Variants in KLHDC1 observed in about 807,000 individuals in gnomAD.
KLHDC1 encodes kelch domain containing 1, also known as kelch domain-containing protein 1.
Under a neutral mutation model 68.3 loss-of-function variants are expected in KLHDC1, and 53 were observed. The observed-to-expected ratio is 0.78, with a 90% CI of 0.62 to 0.98. The LOEUF (loss-of-function observed/expected upper bound fraction) is 0.98, where lower values mean the gene tolerates loss of function less well. KLHDC1 is among the 50% of genes least tolerant of loss of function. KLHDC1 has a pLI of 0.00. For missense variants in KLHDC1, 470 were observed against 492.3 expected (o/e 0.95, Z 0.43); for synonymous variants, 148 against 159.0 (o/e 0.93, Z 0.52).
intron 4 of KLHDC1, among the ~76,000 whole-genome samples, chr14:49,718,813 G>A (rs536387914): frequency 1.3e-5 from 1 of 75,008 alleles, no homozygotes; most frequent in African/African-American, 5.4e-5. Context: ...GTCTCACTCT[G>A]TTCACTTTGT....
intron 8 of KLHDC1, among the ~76,000 whole-genome samples, chr14:49,731,091 C>A (rs1045508428): frequency 6.6e-6 from 1 of 152,170 alleles, no homozygotes. Flanking sequence ...ACCAGCCTGA[C>A]TAACATGGTG....
chr14:49,750,874 T>G (rs1378525793), intron 12 of KLHDC1: 1 of 152,160 alleles, frequency 6.6e-6, no homozygotes, highest in Non-Finnish European at 1.5e-5. Context: ...TCTTGGCACT[T>G]CCTGTATCGC....
At chr14:49,722,762 G>A (rs1200490665) in intron 4 of KLHDC1, among the ~76,000 whole-genome samples, 2 of 151,610 alleles carry the variant, frequency 1.3e-5, no homozygotes, top group African/African-American at 4.9e-5. Context: ...GATAAGAGAA[G>A]AGAGCTTGTG....
chr14:49,706,527 T>C (rs1052383574), intron 1 of KLHDC1, among the ~76,000 whole-genome samples: 1 of 152,186 alleles, frequency 6.6e-6, no homozygotes, highest in African/African-American at 2.4e-5. Context: ...ATATGGTAGC[T>C]CTATTTTTAG....
In KLHDC1 at chr14:49,751,724, C is replaced by T. The variant is rs762131215; in HGVS notation, c.1173C>T (p.Val391=). 2 of 1,596,940 alleles carry T rather than the reference C, an allele frequency of 1.3e-6. No homozygotes were observed. Among genetic ancestry groups the T allele is most frequent in the East Asian group, 4.5e-5 (2 of 44,230 alleles). The change falls in exon 13 of 13, where the codon GTC becomes GTT. Residue 391 remains valine, a synonymous_variant. Coordinates refer to ENST00000359332, the MANE Select transcript of KLHDC1 (RefSeq NM_172193.3). ...AAANHREEQR[V]QKEETENKYQ... is the part of the protein sequence containing the mutation. ...CTAATCACCGAGAAGAACAAAGAGTCCAAAAAGAAGAAACAGAAAATAAAT... is the reference window on the plus strand; with the variant it reads ...CTAATCACCGAGAAGAACAAAGAGTTCAAAAAGAAGAAACAGAAAATAAAT...
chr14:49,732,964 T>C, intron 9 of KLHDC1, 148 bp downstream of exon 9: 1 of 573,650 alleles, frequency 1.7e-6, no homozygotes. Context: ...AATTATGATC[T>C]CCTTGCTTTT....
At position 49,718,968 on chromosome 14, in the gene KLHDC1, G is replaced by A. The variant is rs147488335; in HGVS notation, c.405-4906G>A. 2.0e-3 allele frequency among the ~76,000 whole-genome samples: 295 copies of A among 150,228 alleles called. 3 individuals are homozygous for A. Among genetic ancestry groups the A allele is most frequent in the African/African-American group, 6.7e-3 (273 of 40,946 alleles). The stretch of plus-strand genomic sequence containing the variant: ...ATTTTTTTGTATTTTTAGTAGAGAC[G>A]GGGTTTCACCATGTTGGCCAAACTG... On this transcript the variant is annotated intron_variant, in intron 4 of 12. Coordinates refer to ENST00000359332, the MANE Select transcript of KLHDC1 (RefSeq NM_172193.3).
intron 6 of KLHDC1, among the ~76,000 whole-genome samples, chr14:49,726,492 G>A (rs781405717): frequency 1.3e-4 from 20 of 152,262 alleles, no homozygotes; most frequent in South Asian, 6.2e-4. Context: ...AGGTGCCATC[G>A]TCATTCTTTA....
chr14:49,707,297 T>TGTGTGTGTGA, intron 1 of KLHDC1, among the ~76,000 whole-genome samples: 1 of 120,856 alleles, frequency 8.3e-6, no homozygotes, highest in African/African-American at 3.1e-5. Context: ...TGTGTGTGTG[T>TGTGTGTGTGA]GAGAGAGAGA....
intron 1 of KLHDC1, among the ~76,000 whole-genome samples, chr14:49,701,067 G>T (rs1350790648): frequency 2.0e-5 from 3 of 150,750 alleles, no homozygotes; most frequent in African/African-American, 7.3e-5. Context: ...GGGCGACAGA[G>T]TGAGACTCCA....
chr14:49,743,072 CAAAAAAAAAAAAAAA>C (rs55778725), intron 11 of KLHDC1, among the ~76,000 whole-genome samples: 7 of 58,352 alleles, frequency 1.2e-4, no homozygotes, highest in Non-Finnish European at 1.8e-4. Context: ...ACCCTGTCTC[CAAAAAAAAAAAAAAA>C]AAAAAAAAGG....
intron 4 of KLHDC1, among the ~76,000 whole-genome samples, chr14:49,713,852 T>A (rs865922863): frequency 2.3e-3 from 139 of 60,142 alleles, no homozygotes; most frequent in African/African-American, 0.01. Flanking sequence ...ATATATATAT[T>A]TTTTTTTTTT....
At chr14:49,743,891 C>A in intron 12 of KLHDC1, 86 bp downstream of exon 12, 1 of 788,740 alleles carries the variant, frequency 1.3e-6, no homozygotes. Flanking sequence ...AAATATTTTT[C>A]AGGTTGCTTA....
intron 10 of KLHDC1, among the ~76,000 whole-genome samples, chr14:49,736,196 A>T (rs905728476): frequency 6.6e-6 from 1 of 152,212 alleles, no homozygotes. Context: ...CTTAATGAGT[A>T]GAGCAACACA....
intron 5 of KLHDC1, 34 bp downstream of exon 5, chr14:49,723,986 AAGTC>A (rs755116631): frequency 1.6e-6 from 2 of 1,214,750 alleles, no homozygotes; most frequent in Admixed American, 3.9e-5. Context: ...ATTTTCCTCC[AAGTC>A]AGTATAGCCT....
chr14:49,695,523 A>G (rs953343980), intron 1 of KLHDC1, among the ~76,000 whole-genome samples: 6 of 152,234 alleles, frequency 3.9e-5, no homozygotes, highest in Non-Finnish European at 8.8e-5. Flanking sequence ...TCAAAGAGAC[A>G]TGCTGTCATC....
chr14:49,748,142 A>C (rs1889241944), intron 12 of KLHDC1, among the ~76,000 whole-genome samples: 1 of 152,240 alleles, frequency 6.6e-6, no homozygotes. Flanking sequence ...AAGGTCATAA[A>C]GAATGAAAAG....
At position 49,725,725 on chromosome 14, in the gene KLHDC1, A is replaced by G. The variant is rs761557466; in HGVS notation, c.523A>G (p.Ile175Val). Reference sequence around the variant, plus strand: ...CTGGGGATGGCATAATGATGTCCACATATTTGACACAAAGACACAGACTTG... The same window carrying G: ...CTGGGGATGGCATAATGATGTCCACGTATTTGACACAAAGACACAGACTTG... ...IFWGWHNDVH[I>V]FDTKTQTWFQ... Residue 175 changes from isoleucine (I) to valine (V), a missense_variant, in exon 6 of 13, where the codon ATA becomes GTA. By Grantham distance (29) the Ile-to-Val change is conservative. Transcript: ENST00000359332. 13 of 1,495,600 alleles carry G rather than the reference A, an allele frequency of 8.7e-6. No individual in the cohort carries two copies. The highest frequency in any genetic ancestry group is 1.2e-5 in the Non-Finnish European group (13 of 1,119,080). 92.6% of individuals were successfully genotyped at this position (1,495,600 alleles called of 1,614,324 possible).
chr14:49,718,476 T>G (rs1888435436), intron 4 of KLHDC1, among the ~76,000 whole-genome samples: 1 of 151,570 alleles, frequency 6.6e-6, no homozygotes, highest in African/African-American at 2.4e-5. Flanking sequence ...AGACAAGGTT[T>G]CACCATGTTG....
Sources: allele counts gnomAD v4.1 joint callset (sites outside exome capture counted in the v4.1 genomes callset), GRCh38; gene constraint gnomAD v4.1.1; transcripts MANE v1.5; gene names NCBI Gene and HGNC (gene_info 2026-07-23, HGNC 2026-07-21).